MICALL2: variants seen among roughly 807,000 people sequenced by gnomAD.
MICALL2 encodes the protein MICAL-like protein 2.
A neutral mutation model predicts 91.1 loss-of-function variants in MICALL2; 111 were observed. The ratio of observed to expected loss-of-function variants is 1.22; its 90% confidence interval spans 1.04 to 1.43. The LOEUF (loss-of-function observed/expected upper bound fraction) is 1.43, where lower values mean the gene tolerates loss of function less well. Ranked by LOEUF, MICALL2 falls within the 40% of genes most tolerant of loss-of-function variation. The pLI, the probability that MICALL2 is intolerant of heterozygous loss-of-function variation, is 0.00. For missense variants in MICALL2, 1,556 were observed against 1,236.0 expected (o/e 1.26, Z -3.88); for synonymous variants, 694 against 525.3 (o/e 1.32, Z -4.39).
At position 1,445,164 on chromosome 7, in the gene MICALL2, A is replaced by G. The variant is rs915751871; in HGVS notation, c.906T>C (p.Ala302=). The G allele has an allele frequency of 1.9e-6, 3 of 1,580,408 alleles. 1 individual carries two copies. The South Asian group carries it at 3.4e-5, about 18-fold the overall frequency. The change falls in exon 6 of 17, where the codon GCT becomes GCC. Residue 302 remains alanine (A), a synonymous_variant. Transcript: ENST00000297508. The part of the protein sequence containing the change: ...GNSPARASVP[A]APNPAATSAT... ...CGCTGGTGGCTGCAGGGTTGGGTGCAGCTGGAACGGAAGCCCTGGCAGGCG... is the reference window on the plus strand; with the variant it reads ...CGCTGGTGGCTGCAGGGTTGGGTGCGGCTGGAACGGAAGCCCTGGCAGGCG...
rs759254977 is a variant in MICALL2, at chr7:1,438,237, G to A, written c.2188-17C>T. On this transcript the variant is annotated splice_polypyrimidine_tract_variant and intron_variant, in intron 11 of 16. Transcript: ENST00000297508. ...GGGGTGCAGCTGGGAACGGAGGGGC[G>A]GTGAGGATGCCGGAGGGCTGGGCCC... The A allele has an allele frequency of 3.6e-5, 58 of 1,589,326 alleles. No individual in the cohort carries two copies. Among genetic ancestry groups the A allele is most frequent in the East Asian group, 4.6e-5 (2 of 43,808 alleles).
In MICALL2 at chr7:1,436,782, G is replaced by T; in HGVS notation, c.2551C>A (p.Arg851Ser). The T allele has an allele frequency of 1.9e-6, 3 of 1,608,688 alleles. No homozygotes were observed. The highest frequency in any genetic ancestry group is 2.5e-6 in the Non-Finnish European group (3 of 1,178,572). The change falls in exon 15 of 17, where the codon CGC becomes AGC. Residue 851 changes from arginine (R) to serine (S), a missense_variant. Coordinates refer to ENST00000297508, the MANE Select transcript of MICALL2 (RefSeq NM_182924.4). ...TCCAGCGAGTCCACGATGTCACTGC[G>T]GTCGTTCACGGTGCTCACGTACTGC... is the stretch of plus-strand genomic sequence containing the variant. ...LEQYVSTVND[R>S]SDIVDSLDED... is the part of the protein sequence containing the mutation.
intron 6 of MICALL2, among the ~76,000 whole-genome samples, chr7:1,442,979 GTGCCTTCC>G (rs1270274750): frequency 6.6e-6 from 1 of 152,062 alleles, no homozygotes; most frequent in African/African-American, 2.4e-5. Context: ...CAAGGCCTCC[GTGCCTTCC>G]TGCCTTCCCT....
chr7:1,447,784 G>C lies in MICALL2; in HGVS notation c.335-19C>G, dbSNP rs1164415998. ...CCCCCAACTGGAGGAATCAAGCAGG[G>C]ATCGGGAGGGTCCCAGGCCTGGCTC... On this transcript the variant is annotated intron_variant, in intron 3 of 16. Coordinates refer to ENST00000297508, the MANE Select transcript of MICALL2 (RefSeq NM_182924.4). 1 of 1,493,306 alleles carries C rather than the reference G, an allele frequency of 6.7e-7. No homozygotes were observed. Among genetic ancestry groups the C allele is most frequent in the African/African-American group, 1.4e-5 (1 of 71,782 alleles). 92.5% of individuals were successfully genotyped at this position (1,493,306 alleles called of 1,614,324 possible). A position where few individuals can be genotyped will look rare whatever the true frequency, so the allele number is the denominator to read the frequency against.
chr7:1,439,514 CAT>C (rs898710780), intron 9 of MICALL2: 13 of 198,808 alleles, frequency 6.5e-5, no homozygotes, highest in African/African-American at 9.4e-5. Flanking sequence ...ACATGCATCA[CAT>C]ACACGAACAC....
rs1471587415 is a variant in MICALL2, at chr7:1,437,216, G to A, written c.2476+319C>T. 4.8e-5 allele frequency: 24 copies of A among 503,858 alleles called. No individual in the cohort carries two copies. The East Asian group carries it at 5.1e-4, about 11-fold the overall frequency. 31.2% of individuals were successfully genotyped at this position (503,858 alleles called of 1,614,324 possible). On this transcript the variant is annotated intron_variant, in intron 14 of 16. Coordinates refer to ENST00000297508, the MANE Select transcript of MICALL2 (RefSeq NM_182924.4). ...CCTGCATCACGAGACAAATGCCTAT[G>A]GCTCGCCCTGACTGCTGCTACACTA...
At chr7:1,437,663 G>A (rs1447471971) in intron 13 of MICALL2, 55 bp from the exon 14 acceptor site, 2 of 1,500,382 alleles carry the variant, frequency 1.3e-6, no homozygotes, top group Admixed American at 4.0e-5. Context: ...CCCCCGCCTG[G>A]CCCGCCCAGC....
intron 1 of MICALL2, among the ~76,000 whole-genome samples, chr7:1,458,791 G>A (rs1781108810): frequency 6.6e-6 from 1 of 152,256 alleles, no homozygotes; most frequent in East Asian, 1.9e-4. Context: ...GCTGGGGGAG[G>A]GTCAGTGCCC....
chr7:1,434,981 A>ACCCCCCCCCCCCCCCCCCCC, intron 16 of MICALL2, 120 bp downstream of exon 16: 3 of 372,302 alleles, frequency 8.1e-6, no homozygotes, highest in Non-Finnish European at 1.5e-5. Context: ...GGGACCCGAT[A>ACCCCCCCCCCCCCCCCCCCC]CCCGCCCCCC....
At chr7:1,450,410 A>T (rs1780783952) in intron 1 of MICALL2, 122 bp from the exon 2 acceptor site, 1 of 813,014 alleles carries the variant, frequency 1.2e-6, no homozygotes, top group African/African-American at 1.7e-5. Flanking sequence ...GCTGTGAAGG[A>T]ATGAGGTGGC....
chr7:1,454,032 A>G (rs374181049), intron 1 of MICALL2, among the ~76,000 whole-genome samples: 98 of 152,168 alleles, frequency 6.4e-4, no homozygotes, highest in African/African-American at 1.2e-3. Context: ...ACGACCATCA[A>G]CTTCAGCCCA....
intron 7 of MICALL2, chr7:1,440,914 G>C (rs1562453116): frequency 3.7e-6 from 2 of 535,806 alleles, no homozygotes; most frequent in Non-Finnish European, 6.8e-6. Context: ...CCCTGCCTCT[G>C]GGCCTCAACT....
rs540238198 is a variant in MICALL2, at chr7:1,440,846, G to A, written c.1712-162C>T. On this transcript the variant is annotated intron_variant, in intron 7 of 16. Transcript: ENST00000297508. ...GGGCATCAGGAGCACCGGGCAGGGA[G>A]TCAGGGGAGGGGCTCCCAGCTGGCT... The A allele has an allele frequency of 1.0e-4, 65 of 622,362 alleles. 2 individuals carry two copies. The South Asian group carries it at 1.1e-3, about 11-fold the overall frequency. The allele number at this position is 622,362 out of a possible 1,614,324, so 38.6% of individuals were successfully genotyped here.
At chr7:1,445,544 G>C (rs1042925492) in intron 5 of MICALL2, 116 bp from the exon 6 acceptor site, 3 of 1,007,074 alleles carry the variant, frequency 3.0e-6, no homozygotes, top group Non-Finnish European at 4.2e-6. Context: ...CGAGGTTGCT[G>C]AACGCCCGCC....
At chr7:1,458,097 T>G (rs2128527125) in intron 1 of MICALL2, among the ~76,000 whole-genome samples, 1 of 152,294 alleles carries the variant, frequency 6.6e-6, no homozygotes, top group East Asian at 1.9e-4. Context: ...TGTCACAACC[T>G]CAGAGCAGGG....
chr7:1,443,786 G>A (rs990667774), intron 6 of MICALL2, among the ~76,000 whole-genome samples: 9 of 152,202 alleles, frequency 5.9e-5, no homozygotes, highest in Non-Finnish European at 8.8e-5. Flanking sequence ...CCCTTCCCCC[G>A]CCTCAAGGTC....
At chr7:1,457,452 G>A (rs540784555) in intron 1 of MICALL2, among the ~76,000 whole-genome samples, 1 of 152,150 alleles carries the variant, frequency 6.6e-6, no homozygotes, top group Non-Finnish European at 1.5e-5. Flanking sequence ...AGCCACCCTG[G>A]GCTTTTATTC....
chr7:1,446,377 A>G (rs1204400801), intron 5 of MICALL2, among the ~76,000 whole-genome samples: 4 of 14 alleles, frequency 0.29, 2 homozygotes, highest in Non-Finnish European at 0.2. Context: ...GGGGAGGAGG[A>G]AGAGAAGGGG....
chr7:1,437,080 C>G, intron 14 of MICALL2: 1 of 493,882 alleles, frequency 2.0e-6, no homozygotes, highest in Non-Finnish European at 3.6e-6. Context: ...CGCAGAAACA[C>G]CACTCGCTGC....
Sources: allele counts gnomAD v4.1 joint callset (sites outside exome capture counted in the v4.1 genomes callset), GRCh38; gene constraint gnomAD v4.1.1; transcripts MANE v1.5; gene names NCBI Gene and HGNC (gene_info 2026-07-23, HGNC 2026-07-21).